Variants in NELL1 observed in about 807,000 individuals in gnomAD.
NELL1 encodes neural EGFL like 1, also known as protein kinase C-binding protein NELL1.
In NELL1, 76 loss-of-function variants were observed where a neutral mutation model predicts 107.4. The observed-to-expected ratio is 0.71, with a 90% confidence interval of 0.59 to 0.86. The LOEUF (loss-of-function observed/expected upper bound fraction) is 0.86. NELL1 is among the 40% of genes least tolerant of loss of function. The probability of loss-of-function intolerance (pLI) is 0.00; values close to 1 mark genes in which losing one functional copy is unlikely to be tolerated. For synonymous variants in NELL1, 353 were observed against 341.2 expected (o/e 1.03, Z -0.38); for missense variants, 1,024 against 1,005.5 (o/e 1.02, Z -0.25).
chr11:21,165,173 T>C (rs4923385), intron 13 of NELL1, among the ~76,000 whole-genome samples: 42,156 of 152,122 alleles, frequency 0.28, 6,222 homozygotes, highest in East Asian at 0.49. Context: ...CACTTCTCTA[T>C]AGTGATCTTC....
At chr11:21,497,645 A>G (rs925901866) in intron 15 of NELL1, among the ~76,000 whole-genome samples, 1 of 152,120 alleles carries the variant, frequency 6.6e-6, no homozygotes, top group Non-Finnish European at 1.5e-5. Context: ...AAGAAAAAAA[A>G]TATGCTTGGT....
intron 14 of NELL1, among the ~76,000 whole-genome samples, chr11:21,294,758 G>T (rs7944970): frequency 0.91 from 138,457 of 152,056 alleles, 63,301 homozygotes; most frequent in Non-Finnish European, 0.95. Context: ...AAAACCCAAG[G>T]ATTTAAATGG....
chr11:21,310,727 T>G (rs1849731900), intron 14 of NELL1, among the ~76,000 whole-genome samples: 1 of 151,940 alleles, frequency 6.6e-6, no homozygotes, highest in African/African-American at 2.4e-5. Flanking sequence ...GAAAATGTTG[T>G]TATAGGCTAT....
At chr11:20,682,758 C>A (rs1565305074) in intron 2 of NELL1, among the ~76,000 whole-genome samples, 1 of 152,004 alleles carries the variant, frequency 6.6e-6, no homozygotes, top group Admixed American at 6.6e-5. Context: ...TCCCAACCTC[C>A]ACTTCTAGGC....
intron 3 of NELL1, among the ~76,000 whole-genome samples, chr11:20,839,818 G>A (rs1848591334): frequency 1.3e-5 from 2 of 152,202 alleles, no homozygotes; most frequent in Admixed American, 6.5e-5. Flanking sequence ...AAAGGAAACA[G>A]AAGTTGAGAG....
chr11:20,841,851 A>G lies in NELL1; in HGVS notation c.336-5732A>G. On this transcript the variant is annotated intron_variant, in intron 3 of 19. Transcript: ENST00000357134. ...TTAAAAAACTGAGACACAGAGGGGCAGGGACATGATGTGCCAAAAATTACA... is the reference window on the plus strand; with the variant it reads ...TTAAAAAACTGAGACACAGAGGGGCGGGGACATGATGTGCCAAAAATTACA... Among the ~76,000 whole-genome samples the G allele has an allele frequency of 1.3e-5, 2 of 152,192 alleles. 1 individual carries two copies. Among genetic ancestry groups the G allele is most frequent in the Middle Eastern group, 6.3e-3 (2 of 316 alleles).
intron 14 of NELL1, among the ~76,000 whole-genome samples, chr11:21,262,852 T>C (rs530418499): frequency 5.9e-5 from 9 of 152,026 alleles, no homozygotes; most frequent in African/African-American, 2.2e-4. Flanking sequence ...CTCTTACTCC[T>C]TTTTCCTTGG....
intron 14 of NELL1, among the ~76,000 whole-genome samples, chr11:21,336,173 T>G (rs1181626412): frequency 6.6e-6 from 1 of 152,046 alleles, no homozygotes; most frequent in Non-Finnish European, 1.5e-5. Flanking sequence ...CCTTAGACAT[T>G]AAACTAGAAC....
intron 14 of NELL1, among the ~76,000 whole-genome samples, chr11:21,309,287 T>TATATATATGTATATATATATA (rs1849688869): frequency 8.9e-6 from 1 of 111,832 alleles, no homozygotes; most frequent in Non-Finnish European, 1.8e-5. Flanking sequence ...TATGTATATA[T>TATATATATGTATATATATATA]ATATATATAT....
intron 12 of NELL1, among the ~76,000 whole-genome samples, chr11:21,012,367 C>G (rs1852466445): frequency 6.6e-6 from 1 of 152,138 alleles, no homozygotes; most frequent in African/African-American, 2.4e-5. Context: ...TTCATGACCT[C>G]CCTTTCTCCC....
intron 15 of NELL1, among the ~76,000 whole-genome samples, chr11:21,439,510 T>C (rs1268799507): frequency 6.6e-6 from 1 of 152,146 alleles, no homozygotes; most frequent in Non-Finnish European, 1.5e-5. Context: ...TGAACTGGCT[T>C]AGAGGGTCAA....
At chr11:21,331,715 A>G (rs1850277376) in intron 14 of NELL1, among the ~76,000 whole-genome samples, 1 of 152,110 alleles carries the variant, frequency 6.6e-6, no homozygotes, top group Non-Finnish European at 1.5e-5. Context: ...TTTTGAGGCC[A>G]GGCTTTGAAG....
chr11:20,703,155 C>G (rs767864435), intron 2 of NELL1, among the ~76,000 whole-genome samples: 1 of 152,060 alleles, frequency 6.6e-6, no homozygotes, highest in Non-Finnish European at 1.5e-5. Flanking sequence ...GGCTGGTAGG[C>G]TATTACTTAT....
At chr11:20,784,405 G>A (rs551240973) in intron 3 of NELL1, among the ~76,000 whole-genome samples, 330 of 152,290 alleles carry the variant, frequency 2.2e-3, no homozygotes, top group African/African-American at 7.5e-3. Flanking sequence ...TATTCTACAT[G>A]CTGAATGCGA....
Position 20,698,361 on chromosome 11 carries a change from C to A in NELL1, c.184+20301C>A, listed in dbSNP as rs555633322. 6.6e-5 allele frequency among the ~76,000 whole-genome samples: 10 copies of A among 152,308 alleles called. No individual in the cohort carries two copies. The South Asian group carries it at 1.9e-3, about 28-fold the overall frequency. The stretch of plus-strand genomic sequence containing the variant: ...CCACTTCTACCGTCTGCACTAAAAT[C>A]TCTTCTCTCAGTCATGCTCCTTCTG... On this transcript the variant is annotated intron_variant, in intron 2 of 19. Coordinates refer to ENST00000357134, the MANE Select transcript of NELL1 (RefSeq NM_006157.5).
chr11:20,721,181 G>GTA (rs137948986), intron 2 of NELL1, among the ~76,000 whole-genome samples: 68,733 of 125,554 alleles, frequency 0.55, 19,449 homozygotes, highest in Middle Eastern at 0.73. Context: ...TATATTTTGT[G>GTA]TATATATATA....
At position 21,234,355 on chromosome 11, in the gene NELL1, T is replaced by G. The variant is rs557961296; in HGVS notation, c.1549+4901T>G. Among the ~76,000 whole-genome samples the G allele has an allele frequency of 8.1e-4, 123 of 152,310 alleles. 2 individuals carry two copies. The highest frequency in any genetic ancestry group is 2.6e-4 in the Non-Finnish European group (18 of 68,034). ...GCTTCTTTAGGCTTGGGGATATTTTTGGGGTGAATGTTAACCCTGTAGGAG... is the reference window on the plus strand; with the variant it reads ...GCTTCTTTAGGCTTGGGGATATTTTGGGGGTGAATGTTAACCCTGTAGGAG... On this transcript the variant is annotated intron_variant, in intron 14 of 19. Coordinates refer to ENST00000357134, the MANE Select transcript of NELL1 (RefSeq NM_006157.5).
chr11:21,373,636 T>C (rs1430904487), intron 15 of NELL1, among the ~76,000 whole-genome samples: 4 of 152,106 alleles, frequency 2.6e-5, no homozygotes, highest in Non-Finnish European at 5.9e-5. Flanking sequence ...AAAATTCCTG[T>C]CTGATGTTAA....
rs796091844 is a variant in NELL1 at position 21,431,790 on chromosome 11, C to CT, written c.1645+60850dup. On this transcript the variant is annotated intron_variant, in intron 15 of 19. Coordinates refer to ENST00000357134, the MANE Select transcript of NELL1 (RefSeq NM_006157.5). ...CCATTTTGCTTAACCTGCTTCTACG[C>CT]TTTTTTTTATGCTCAACTCTGTTGT... Among the ~76,000 whole-genome samples the CT allele has an allele frequency of 3.1e-3, 473 of 152,024 alleles. 2 individuals carry two copies. The highest frequency in any genetic ancestry group is 0.011 in the African/African-American group (455 of 41,442).
Sources: allele counts gnomAD v4.1 joint callset (sites outside exome capture counted in the v4.1 genomes callset), GRCh38; gene constraint gnomAD v4.1.1; transcripts MANE v1.5; gene names NCBI Gene and HGNC (gene_info 2026-07-23, HGNC 2026-07-21).